CDH6: variants seen among roughly 807,000 people sequenced by gnomAD.
The protein encoded by CDH6 is cadherin 6.
In CDH6, 31 loss-of-function variants were observed where a neutral mutation model predicts 78.0. The ratio of observed to expected loss-of-function variants is 0.40; its 90% CI spans 0.30 to 0.54. CDH6 has a LOEUF of 0.54. CDH6 is among the 20% of genes least tolerant of loss of function. The pLI, the probability that CDH6 is intolerant of heterozygous loss-of-function variation, is 0.56. For synonymous variants in CDH6, 376 were observed against 368.8 expected, an observed-to-expected ratio of 1.02 and a Z score of -0.23; for missense variants, 724 against 975.9, an observed-to-expected ratio of 0.74 and a Z score of 3.44.
chr5:31,261,019 G>A (rs1024142786), intron 1 of CDH6, among the ~76,000 whole-genome samples: 3 of 152,114 alleles, frequency 2.0e-5, no homozygotes, highest in African/African-American at 7.2e-5. Context: ...AGTTTCTTGG[G>A]TTATCGGGAA....
At chr5:31,220,477 C>A (rs992460505) in intron 1 of CDH6, among the ~76,000 whole-genome samples, 20 of 152,150 alleles carry the variant, frequency 1.3e-4, no homozygotes, top group Admixed American at 1.3e-3. Context: ...CTTCTCTCAT[C>A]TGTTCATTCA....
chr5:31,211,271 A>G (rs1484806480), intron 1 of CDH6, among the ~76,000 whole-genome samples: 2 of 152,164 alleles, frequency 1.3e-5, no homozygotes, highest in African/African-American at 4.8e-5. Flanking sequence ...CTATGTGAGC[A>G]CTTTCCATGC....
At chr5:31,218,564 C>T (rs955014640) in intron 1 of CDH6, among the ~76,000 whole-genome samples, 24 of 152,254 alleles carry the variant, frequency 1.6e-4, no homozygotes, top group Middle Eastern at 6.8e-3. Context: ...CCAGGGTAAG[C>T]TCTGGGTTCC....
In CDH6 at chr5:31,302,958, G is replaced by GAAAGAAAGAAAGAAAGAAAGAAA. The variant is rs1561066578; in HGVS notation, c.999+660_999+661insAAAGAAAGAAAGAAAGAAAGAAA. 5.7e-5 allele frequency among the ~76,000 whole-genome samples: 6 copies of GAAAGAAAGAAAGAAAGAAAGAAA among 106,152 alleles called. No individual in the cohort carries two copies. In the East Asian group the frequency reaches 7.3e-4, roughly 13 times the overall value. 69.6% of individuals were successfully genotyped at this position (106,152 alleles called of 152,430 possible). On this transcript the variant is annotated intron_variant, in intron 6 of 11. Coordinates refer to ENST00000265071, the MANE Select transcript of CDH6 (RefSeq NM_004932.4). ...AAGAAAGAAAGAAAGAAAGAAAGAA[G>GAAAGAAAGAAAGAAAGAAAGAAA]GAAAGAAAAGAAAGAAAGAAAGAAA...
chr5:31,271,728 G>C (rs1403671580), intron 2 of CDH6, among the ~76,000 whole-genome samples: 1 of 152,094 alleles, frequency 6.6e-6, no homozygotes, highest in Non-Finnish European at 1.5e-5. Flanking sequence ...AGCTGCTTTA[G>C]CTTGAGTGGC....
chr5:31,315,704 G>C (rs1214498113), intron 8 of CDH6, among the ~76,000 whole-genome samples: 1 of 152,178 alleles, frequency 6.6e-6, no homozygotes, highest in Non-Finnish European at 1.5e-5. Context: ...TCTATAAAAT[G>C]GGGGCAGTAC....
At position 31,293,998 on chromosome 5, in the gene CDH6, A is replaced by C; in HGVS notation, c.265A>C (p.Lys89Gln). The C allele has an allele frequency of 1.9e-6, 3 of 1,611,722 alleles. No individual in the cohort carries two copies. Among genetic ancestry groups the C allele is most frequent in the Non-Finnish European group, 2.5e-6 (3 of 1,178,490 alleles). ...SDQDRGDGSLKYILSGDGAGD... is the reference protein window; with the variant it reads ...SDQDRGDGSLQYILSGDGAGD... ...CCAGGATAGAGGAGATGGATCACTT[A>C]AATATATCCTTTCAGGAGATGGAGC... The change falls in exon 3 of 12, where the codon AAA becomes CAA. Residue 89 changes from lysine to glutamine, a missense_variant. By Grantham distance (53) the Lys-to-Gln change is moderately conservative (BLOSUM62 1). Around this residue, in one of 3 missense-constraint regions of CDH6, gnomAD observed 446 missense variants for 684.5 expected, o/e 0.65. Coordinates refer to ENST00000265071, the MANE Select transcript of CDH6 (RefSeq NM_004932.4).
At chr5:31,238,932 T>G (rs1210550836) in intron 1 of CDH6, among the ~76,000 whole-genome samples, 1 of 152,236 alleles carries the variant, frequency 6.6e-6, no homozygotes, top group Non-Finnish European at 1.5e-5. Flanking sequence ...TCTCTATATA[T>G]GTTTAGGAAA....
At position 31,287,363 on chromosome 5, in the gene CDH6, A is replaced by G. The variant is rs147020993; in HGVS notation, c.229-6599A>G. On this transcript the variant is annotated intron_variant, in intron 2 of 11. Coordinates refer to ENST00000265071, the MANE Select transcript of CDH6 (RefSeq NM_004932.4). ...GATTGATAGGAAAGTCAGAATTCAG[A>G]TCCAAATCCCACCACTTTCCCAAAA... 5.9e-3 allele frequency among the ~76,000 whole-genome samples: 900 copies of G among 152,320 alleles called. 6 individuals are homozygous for G. The highest frequency in any genetic ancestry group is 0.021 in the African/African-American group (862 of 41,564).
At chr5:31,321,481 T>C (rs990257845) in intron 11 of CDH6, among the ~76,000 whole-genome samples, 3 of 152,188 alleles carry the variant, frequency 2.0e-5, no homozygotes, top group Admixed American at 6.5e-5. Context: ...CTTCCTCTTA[T>C]GTAAAATGGG....
At chr5:31,285,684 C>T (rs1415701729) in intron 2 of CDH6, among the ~76,000 whole-genome samples, 1 of 152,156 alleles carries the variant, frequency 6.6e-6, no homozygotes, top group East Asian at 1.9e-4. Flanking sequence ...CAGGAGGATA[C>T]TTGAAATATA....
intron 1 of CDH6, among the ~76,000 whole-genome samples, chr5:31,211,392 A>G (rs956670105): frequency 4.5e-5 from 2 of 44,388 alleles, no homozygotes; most frequent in African/African-American, 1.5e-4. Context: ...GAGCTTTAAG[A>G]AACTTGAAAA....
intron 6 of CDH6, among the ~76,000 whole-genome samples, chr5:31,302,881 AGG>A (rs1737838258): frequency 2.1e-5 from 3 of 141,746 alleles, no homozygotes; most frequent in African/African-American, 8.0e-5. Flanking sequence ...GAGGGAAGGA[AGG>A]AAGGAAAGAA....
chr5:31,302,016 T>C, intron 5 of CDH6, 95 bp from the exon 6 acceptor site: 1 of 704,902 alleles, frequency 1.4e-6, no homozygotes, highest in Non-Finnish European at 2.3e-6. Context: ...CTGATGGTAA[T>C]GTCTTAAAGA....
At chr5:31,253,920 G>A (rs1741981877) in intron 1 of CDH6, among the ~76,000 whole-genome samples, 1 of 151,844 alleles carries the variant, frequency 6.6e-6, no homozygotes, top group Admixed American at 6.6e-5. Flanking sequence ...GGTAAATACA[G>A]TAATCCCTCC....
At chr5:31,208,454 C>T (rs1463036811) in intron 1 of CDH6, among the ~76,000 whole-genome samples, 4 of 152,172 alleles carry the variant, frequency 2.6e-5, no homozygotes, top group African/African-American at 7.2e-5. Context: ...CCAACAGGTA[C>T]CTTTGGCCAA....
chr5:31,232,025 C>T (rs1741324080), intron 1 of CDH6, among the ~76,000 whole-genome samples: 1 of 152,218 alleles, frequency 6.6e-6, no homozygotes, highest in African/African-American at 2.4e-5. Flanking sequence ...TCTTCCCATT[C>T]TTGACCTCTA....
In CDH6 at chr5:31,317,611, C is replaced by T. The variant is rs1738360533; in HGVS notation, c.1631-62C>T. The T allele has an allele frequency of 2.5e-6, 4 of 1,572,862 alleles. No homozygotes were observed. In the Admixed American group the frequency reaches 7.0e-5, roughly 27 times the overall value. ...TATCTATATCTATCTTTTCTTATCA[C>T]AGTTGATTTAATACATGACGCAGTA... On this transcript the variant is annotated intron_variant, in intron 10 of 11. Coordinates refer to ENST00000265071, the MANE Select transcript of CDH6 (RefSeq NM_004932.4).
intron 11 of CDH6, among the ~76,000 whole-genome samples, chr5:31,321,995 C>T (rs546089903): frequency 2.0e-5 from 3 of 152,214 alleles, no homozygotes; most frequent in South Asian, 2.1e-4. Context: ...GCTATTTAAA[C>T]GCAATTCTTG....
Sources: gnomAD v4.1 joint callset for allele counts (sites outside exome capture counted in the v4.1 genomes callset) on GRCh38, gnomAD v4.1.1 for gene constraint, gnomAD v4.1.1 regional missense constraint, MANE v1.5 for transcripts, NCBI Gene and HGNC (gene_info 2026-07-23, HGNC 2026-07-21) for gene names.